The following YEATS2 variants were observed in gnomAD, a reference collection of about 807,000 sequenced individuals.
YEATS2 encodes the protein YEATS domain-containing protein 2.
YEATS2 carries 77 observed loss-of-function variants against 163.2 expected under a neutral mutation model. The ratio of observed to expected loss-of-function variants is 0.47; its 90% confidence interval spans 0.39 to 0.57. YEATS2 has a LOEUF of 0.57. Among genes scored for constraint, YEATS2 ranks in the 20% least tolerant of loss-of-function variants. The pLI, the probability that YEATS2 is intolerant of heterozygous loss-of-function variation, is 0.00. For missense variants in YEATS2, 1,549 were observed against 1,729.8 expected, an observed-to-expected ratio of 0.90 and a Z score of 1.85; for synonymous variants, 631 against 645.1, an observed-to-expected ratio of 0.98 and a Z score of 0.33.
In YEATS2 at chr3:183,803,370, C is replaced by G. The variant is rs751638971; in HGVS notation, c.3582+35C>G. 9.5e-6 allele frequency: 15 copies of G among 1,579,120 alleles called. No homozygotes were observed. The East Asian group carries it at 3.4e-4, about 35-fold the overall frequency. ...ATCTGCCTGTCCACTCTGGCTGCCT[C>G]CAGAAACCTTGTCTTATGGAACAGG... On this transcript the variant is annotated intron_variant, in intron 26 of 30. Transcript: ENST00000305135.
intron 21 of YEATS2, among the ~76,000 whole-genome samples, chr3:183,791,295 A>G (rs2108484366): frequency 6.6e-6 from 1 of 152,294 alleles, no homozygotes. Flanking sequence ...TCAGCCTCCC[A>G]AAGTGCTGGG....
chr3:183,734,078 G>A (rs925290564), intron 7 of YEATS2, among the ~76,000 whole-genome samples: 17 of 152,152 alleles, frequency 1.1e-4, no homozygotes, highest in African/African-American at 4.1e-4. Context: ...CTCTAGAGCA[G>A]CATTGTCCAA....
chr3:183,709,627 A>G (rs1714976017), intron 1 of YEATS2, among the ~76,000 whole-genome samples: 1 of 149,464 alleles, frequency 6.7e-6, no homozygotes, highest in East Asian at 2.0e-4. Context: ...GAGCCTCTGC[A>G]TCTTGCCCAC....
chr3:183,758,914 T>C lies in YEATS2; in HGVS notation c.1605T>C (p.Gly535=), dbSNP rs767669783. 9.4e-6 allele frequency: 15 copies of C among 1,594,112 alleles called. No individual in the cohort carries two copies. The South Asian group carries it at 1.6e-4, about 17-fold the overall frequency. Residue 535 remains glycine (G), a synonymous_variant, in exon 13 of 31, where the codon GGT becomes GGC. Transcript: ENST00000305135. The stretch of plus-strand genomic sequence containing the variant: ...CTTCTCAGGTCTCCCAAGGAACAGG[T>C]TCCCCTGTTCCTAAAATTCATGGAA... ...STASQVSQGT[G]SPVPKIHGSS...
At chr3:183,799,853 G>C (rs987699618) in intron 23 of YEATS2, among the ~76,000 whole-genome samples, 13 of 134,536 alleles carry the variant, frequency 9.7e-5, no homozygotes, top group Non-Finnish European at 1.6e-4. Flanking sequence ...TTTGTTTTGA[G>C]ATGGAGTCTC....
In YEATS2 at chr3:183,800,085, G is replaced by A. The variant is rs377310962; in HGVS notation, c.3326-381G>A. On this transcript the variant is annotated intron_variant, in intron 23 of 30. Coordinates refer to ENST00000305135, the MANE Select transcript of YEATS2 (RefSeq NM_018023.5). ...CTGACCTCGTGATCCGCCCACCTCG[G>A]CCTCCCAAAGTGCTGGGATTACAGG... Among the ~76,000 whole-genome samples the A allele has an allele frequency of 7.5e-3, 1,146 of 152,260 alleles. 8 individuals carry two copies. Among genetic ancestry groups the A allele is most frequent in the African/African-American group, 0.026 (1,098 of 41,552 alleles).
At chr3:183,791,016 C>A (rs773654723) in intron 21 of YEATS2, 36 bp downstream of exon 21, 2 of 1,598,136 alleles carry the variant, frequency 1.3e-6, no homozygotes, top group Non-Finnish European at 1.7e-6. Context: ...TCTCTCTTTT[C>A]TCTCATTGGG....
rs1283432086 is a variant in YEATS2 at position 183,760,313 on chromosome 3, A to AGTTTTTTTTTTTTTTTTTT, written c.1657-1194_1657-1193insGTTTTTTTTTTTTTTTTTT. Among the ~76,000 whole-genome samples the AGTTTTTTTTTTTTTTTTTT allele has an allele frequency of 4.5e-5, 5 of 110,314 alleles. 2 individuals are homozygous for AGTTTTTTTTTTTTTTTTTT. 72.4% of individuals were successfully genotyped at this position (110,314 alleles called of 152,430 possible). ...TTGAGAATTAAAGAGAAACTACAGA[A>AGTTTTTTTTTTTTTTTTTT]TTTTTTTTTTTTTTTTTTTTTTTTT... On this transcript the variant is annotated intron_variant, in intron 13 of 30. Coordinates refer to ENST00000305135, the MANE Select transcript of YEATS2 (RefSeq NM_018023.5).
At chr3:183,786,351 G>A (rs748014172) in intron 20 of YEATS2, 50 bp downstream of exon 20, 4 of 1,543,646 alleles carry the variant, frequency 2.6e-6, no homozygotes, top group Admixed American at 3.6e-5. Context: ...TGAAAGTGGT[G>A]TAGATACAAG....
intron 15 of YEATS2, among the ~76,000 whole-genome samples, chr3:183,764,240 G>A (rs943605049): frequency 1.3e-5 from 2 of 150,946 alleles, no homozygotes; most frequent in Admixed American, 1.3e-4. Context: ...ACATGGTGTC[G>A]GGCTCCTGTA....
At chr3:183,745,875 A>G (rs1430492393) in intron 8 of YEATS2, among the ~76,000 whole-genome samples, 1 of 152,104 alleles carries the variant, frequency 6.6e-6, no homozygotes, top group Non-Finnish European at 1.5e-5. Flanking sequence ...TTTGTCACCC[A>G]TGCTGAAGTG....
intron 9 of YEATS2, among the ~76,000 whole-genome samples, chr3:183,749,255 T>A (rs1719901321): frequency 6.6e-6 from 1 of 152,222 alleles, no homozygotes; most frequent in African/African-American, 2.4e-5. Flanking sequence ...TTCATATATT[T>A]TTTAAAAATT....
intron 8 of YEATS2, among the ~76,000 whole-genome samples, chr3:183,742,392 T>A (rs1719067884): frequency 6.6e-6 from 1 of 152,074 alleles, no homozygotes; most frequent in Admixed American, 6.6e-5. Context: ...AGTAGCAACA[T>A]TAACAGGAGT....
rs552235695 is a variant in YEATS2 at position 183,793,074 on chromosome 3, C to G, written c.3097+2094C>G. ...TATAATAAAAATGTCGCAGCACTAT[C>G]GAACTGTTAAAGTTTCTAAATACTG... is the stretch of plus-strand genomic sequence containing the variant. On this transcript the variant is annotated intron_variant, in intron 21 of 30. Transcript: ENST00000305135. The G allele has an allele frequency of 4.3e-6, 5 of 1,168,640 alleles. No homozygotes were observed. In the Admixed American group the frequency reaches 9.3e-5, roughly 22 times the overall value. The allele number at this position is 1,168,640 out of a possible 1,614,324, so 72.4% of individuals were successfully genotyped here. A position where few individuals can be genotyped will look rare whatever the true frequency, so the allele number is the denominator to read the frequency against.
chr3:183,802,895 A>C (rs949920028), intron 25 of YEATS2: 2 of 191,702 alleles, frequency 1.0e-5, no homozygotes, highest in African/African-American at 4.7e-5. Flanking sequence ...ACATCACCGC[A>C]CTCCAGCCTG....
At chr3:183,756,435 TG>T in intron 11 of YEATS2, 92 bp from the exon 12 acceptor site, 1 of 1,238,614 alleles carries the variant, frequency 8.1e-7, no homozygotes, top group Non-Finnish European at 1.1e-6. Flanking sequence ...ACCTTTGTCC[TG>T]GTGGCACTGA....
chr3:183,700,616 T>G (rs1346408735), intron 1 of YEATS2, among the ~76,000 whole-genome samples: 25 of 146,408 alleles, frequency 1.7e-4, no homozygotes, highest in African/African-American at 5.4e-4. Context: ...TTTTTTTTTT[T>G]GAGACAGAAT....
At position 183,754,224 on chromosome 3, in the gene YEATS2, G is replaced by A. The variant is rs746552605; in HGVS notation, c.1249G>A (p.Val417Ile). Residue 417 changes from valine to isoleucine, a missense_variant, in exon 11 of 31, where the codon GTT becomes ATT. Coordinates refer to ENST00000305135, the MANE Select transcript of YEATS2 (RefSeq NM_018023.5). Reference protein sequence around the residue: ...TPTKMTTSQKVTFCSHGNSAF... With the variant: ...TPTKMTTSQKITFCSHGNSAF... ...CACCAAAATGACTACATCCCAGAAAGTTACCTTTTGTTCCCATGGCAATTC... is the reference window on the plus strand; with the variant it reads ...CACCAAAATGACTACATCCCAGAAAATTACCTTTTGTTCCCATGGCAATTC... 1 of 1,613,948 alleles carries A rather than the reference G, an allele frequency of 6.2e-7. No homozygotes were observed. Among genetic ancestry groups the A allele is most frequent in the Admixed American group, 1.7e-5 (1 of 59,994 alleles).
intron 1 of YEATS2, among the ~76,000 whole-genome samples, chr3:183,707,826 C>T (rs1313406582): frequency 6.6e-6 from 1 of 151,606 alleles, no homozygotes; most frequent in African/African-American, 2.4e-5. Flanking sequence ...CAGTGCATGC[C>T]ACCATGCCCA....
Sources: gnomAD v4.1 joint callset for allele counts (sites outside exome capture counted in the v4.1 genomes callset) on GRCh38, gnomAD v4.1.1 for gene constraint, MANE v1.5 for transcripts, NCBI Gene and HGNC (gene_info 2026-07-23, HGNC 2026-07-21) for gene names.